The following BACE2 variants were observed in gnomAD, a reference collection of about 807,000 sequenced individuals.
BACE2 encodes the protein beta-secretase 2, also known as 56 kDa aspartic-like protease.
In BACE2, 17 loss-of-function variants were observed where a neutral mutation model predicts 46.2. The ratio of observed to expected loss-of-function variants is 0.37; its 90% confidence interval spans 0.25 to 0.55. BACE2 has a LOEUF of 0.55. Ranked by LOEUF, BACE2 falls within the 20% of genes least tolerant of loss-of-function variation. The pLI is 0.82. For missense variants in BACE2, 595 were observed against 698.1 expected (o/e 0.85, Z 1.66); for synonymous variants, 277 against 295.9 (o/e 0.94, Z 0.66).
intron 1 of BACE2, among the ~76,000 whole-genome samples, chr21:41,208,303 G>A (rs1015381709): frequency 2.6e-5 from 4 of 152,250 alleles, no homozygotes; most frequent in Non-Finnish European, 2.9e-5. Context: ...ACGCAGGACC[G>A]CACGGTGTCT....
intron 1 of BACE2, among the ~76,000 whole-genome samples, chr21:41,173,362 G>C (rs1021753947): frequency 6.6e-6 from 1 of 152,236 alleles, no homozygotes; most frequent in African/African-American, 2.4e-5. Context: ...CTGGGGCTTA[G>C]GGTGGGAGAA....
chr21:41,215,909 A>C (rs73366408), intron 1 of BACE2, among the ~76,000 whole-genome samples: 4,954 of 151,396 alleles, frequency 0.033, 264 homozygotes, highest in African/African-American at 0.11. Context: ...GTGTGTGTGA[A>C]TACATGCATA....
intron 2 of BACE2, among the ~76,000 whole-genome samples, 170 bp from the exon 3 acceptor site, chr21:41,237,343 G>C (rs1381069915): frequency 6.6e-6 from 1 of 152,166 alleles, no homozygotes; most frequent in South Asian, 2.1e-4. Flanking sequence ...CTACTCAGGA[G>C]GCTGAGGCAG....
chr21:41,189,621 C>T (rs1372738792), intron 1 of BACE2, among the ~76,000 whole-genome samples: 1 of 152,128 alleles, frequency 6.6e-6, no homozygotes, highest in East Asian at 1.9e-4. Context: ...TAGAGGCTTT[C>T]CTCACTATCT....
At chr21:41,240,967 A>G (rs529431181) in intron 3 of BACE2, among the ~76,000 whole-genome samples, 1 of 152,278 alleles carries the variant, frequency 6.6e-6, no homozygotes, top group South Asian at 2.1e-4. Flanking sequence ...GTGCTACTAT[A>G]GTTAATTACA....
chr21:41,196,047 G>C (rs1985720537), intron 1 of BACE2, among the ~76,000 whole-genome samples: 1 of 152,270 alleles, frequency 6.6e-6, no homozygotes, highest in East Asian at 1.9e-4. Flanking sequence ...TACTTTGGGT[G>C]GCTGAGGCAG....
At chr21:41,264,621 C>T (rs1456591119) in intron 8 of BACE2, among the ~76,000 whole-genome samples, 1 of 152,020 alleles carries the variant, frequency 6.6e-6, no homozygotes, top group Non-Finnish European at 1.5e-5. Flanking sequence ...GTGCTCCACA[C>T]TTTCAGACAA....
chr21:41,275,428 C>A lies in BACE2; in HGVS notation c.1361C>A (p.Ala454Asp), dbSNP rs1254269117. 1 of 1,614,066 alleles carries A rather than the reference C, an allele frequency of 6.2e-7. No individual in the cohort carries two copies. The highest frequency in any genetic ancestry group is 1.7e-5 in the Admixed American group (1 of 60,002). Reference sequence around the variant, plus strand: ...GGGCCTTTCTCAACAGAGGATGTAGCCAGCAACTGTGTCCCCGCTCAGTCT... The same window carrying A: ...GGGCCTTTCTCAACAGAGGATGTAGACAGCAACTGTGTCCCCGCTCAGTCT... ...ISGPFSTEDV[A>D]SNCVPAQSLS... is the part of the protein sequence containing the mutation. Residue 454 changes from alanine (A) to aspartate (D), a missense_variant, in exon 9 of 9, where the codon GCC (alanine) becomes GAC (aspartate). Physicochemically the swap from Ala to Asp is moderately radical, Grantham distance 126 (BLOSUM62 -2). Around this residue, in one of 3 missense-constraint regions of BACE2, gnomAD observed 343 missense variants for 419.4 expected, o/e 0.82. Coordinates refer to ENST00000330333, the MANE Select transcript of BACE2 (RefSeq NM_012105.5).
chr21:41,215,783 C>T (rs1215040221), intron 1 of BACE2, among the ~76,000 whole-genome samples: 1 of 152,138 alleles, frequency 6.6e-6, no homozygotes, highest in African/African-American at 2.4e-5. Context: ...GCTTTTGAGT[C>T]ATTTTAAGTT....
intron 1 of BACE2, among the ~76,000 whole-genome samples, chr21:41,225,254 T>C (rs1986778505): frequency 6.6e-6 from 1 of 151,414 alleles, no homozygotes; most frequent in African/African-American, 2.4e-5. Context: ...AAAAAATATC[T>C]AGTCTATGAT....
chr21:41,179,109 G>T, intron 1 of BACE2: 1 of 1,225,870 alleles, frequency 8.2e-7, no homozygotes, highest in South Asian at 1.4e-5. Context: ...GTGACTGAGG[G>T]TGCCAGGGTG....
rs975040317 is a variant in BACE2 at position 41,282,329 on chromosome 21, G to C, written c.*6705G>C. The C allele has an allele frequency of 6.6e-6, 1 of 152,202 alleles. No homozygotes were observed. Among genetic ancestry groups the C allele is most frequent in the African/African-American group, 2.4e-5 (1 of 41,450 alleles). 9.4% of individuals were successfully genotyped at this position (152,202 alleles called of 1,614,324 possible). On this transcript the variant is annotated 3_prime_UTR_variant, in exon 9 of 9. Transcript: ENST00000330333. Reference sequence around the variant, plus strand: ...ATTTAAAAATGTAATAAGACCAAGAGTTGGAGTAAAGGGATATTCATTCCA... The same window carrying C: ...ATTTAAAAATGTAATAAGACCAAGACTTGGAGTAAAGGGATATTCATTCCA...
intron 1 of BACE2, chr21:41,181,676 G>A (rs954735156): frequency 3.6e-5 from 6 of 167,066 alleles, no homozygotes; most frequent in Non-Finnish European, 1.5e-5. Flanking sequence ...AGTGGTCAGG[G>A]CAGGGGGACA....
At chr21:41,251,124 C>T (rs754614162) in intron 7 of BACE2, among the ~76,000 whole-genome samples, 38 of 152,166 alleles carry the variant, frequency 2.5e-4, no homozygotes, top group Middle Eastern at 3.2e-3. Flanking sequence ...GGCTGGGTCC[C>T]GGTTGGCCTC....
At chr21:41,217,125 T>C (rs1986493206) in intron 1 of BACE2, among the ~76,000 whole-genome samples, 1 of 152,050 alleles carries the variant, frequency 6.6e-6, no homozygotes, top group Non-Finnish European at 1.5e-5. Context: ...AGAGACGGGG[T>C]TTCACCATGT....
intron 1 of BACE2, among the ~76,000 whole-genome samples, chr21:41,204,336 C>G (rs928078615): frequency 2.0e-5 from 3 of 152,152 alleles, no homozygotes; most frequent in Non-Finnish European, 2.9e-5. Flanking sequence ...CCACTGCGCC[C>G]GGCCAAGAGT....
intron 1 of BACE2, among the ~76,000 whole-genome samples, chr21:41,191,859 C>T (rs759379184): frequency 1.3e-5 from 2 of 152,232 alleles, no homozygotes; most frequent in African/African-American, 2.4e-5. Context: ...TTGGTGAGCA[C>T]TCACATGGGA....
intron 1 of BACE2, among the ~76,000 whole-genome samples, chr21:41,205,868 C>A (rs1292484828): frequency 3.3e-5 from 5 of 152,256 alleles, no homozygotes; most frequent in Admixed American, 3.3e-4. Context: ...ATCTCTATGA[C>A]TCAGGCACAT....
At chr21:41,211,799 A>G (rs1986310671) in intron 1 of BACE2, among the ~76,000 whole-genome samples, 1 of 152,254 alleles carries the variant, frequency 6.6e-6, no homozygotes, top group African/African-American at 2.4e-5. Flanking sequence ...CTAATCACTA[A>G]CTAGATGAAT....
Sources: gnomAD v4.1 joint callset for allele counts (sites outside exome capture counted in the v4.1 genomes callset) on GRCh38, gnomAD v4.1.1 for gene constraint, gnomAD v4.1.1 regional missense constraint, MANE v1.5 for transcripts, NCBI Gene and HGNC (gene_info 2026-07-23, HGNC 2026-07-21) for gene names.